SLCO1A2: variants seen among roughly 807,000 people sequenced by gnomAD.
The protein encoded by SLCO1A2 is solute carrier organic anion transporter family member 1A2, also known as OATP-1.
In SLCO1A2, 67 loss-of-function variants were observed where a neutral mutation model predicts 69.0. The ratio of observed to expected loss-of-function variants is 0.97; its 90% CI spans 0.80 to 1.19. The LOEUF (loss-of-function observed/expected upper bound fraction) is 1.19, where lower values mean the gene tolerates loss of function less well. SLCO1A2 is among the 50% of genes most tolerant of loss of function. The pLI, the probability that SLCO1A2 is intolerant of heterozygous loss-of-function variation, is 0.00. For missense variants in SLCO1A2, 787 were observed against 793.7 expected (o/e 0.99, Z 0.10); for synonymous variants, 260 against 265.9 (o/e 0.98, Z 0.22).
chr12:21,413,105 T>G (rs1941934478), intron 1 of SLCO1A2, among the ~76,000 whole-genome samples: 1 of 152,290 alleles, frequency 6.6e-6, no homozygotes, highest in Admixed American at 6.5e-5. Context: ...ATTATTTTTT[T>G]TGATTTTGGT....
upstream of SLCO1A2, among the ~76,000 whole-genome samples, chr12:21,400,243 A>T (rs531600480): frequency 1.5e-3 from 225 of 152,346 alleles, 1 homozygote; most frequent in African/African-American, 5.2e-3. Context: ...TCTCAAAAGA[A>T]GACATTTATG....
intron 14 of SLCO1A2, among the ~76,000 whole-genome samples, chr12:21,270,339 T>C (rs918926211): frequency 1.3e-5 from 2 of 151,808 alleles, no homozygotes; most frequent in African/African-American, 4.8e-5. Context: ...TTTTCTGATA[T>C]TGACCTATCC....
chr12:21,287,573 G>C (rs779697256), intron 12 of SLCO1A2, among the ~76,000 whole-genome samples: 10,764 of 140,410 alleles, frequency 0.077, 585 homozygotes, highest in Non-Finnish European at 0.12. Flanking sequence ...TATGTTTATT[G>C]CGGCTCTATT....
chr12:21,397,543 C>T (rs369835633), upstream of SLCO1A2, among the ~76,000 whole-genome samples: 11 of 152,132 alleles, frequency 7.2e-5, no homozygotes, highest in East Asian at 3.9e-4. Flanking sequence ...TCTACAGAAC[C>T]CTCCACCCCA....
intron 10 of SLCO1A2, chr12:21,294,388 A>C (rs1164248302): frequency 8.9e-6 from 2 of 224,506 alleles, no homozygotes; most frequent in African/African-American, 4.5e-5. Context: ...ATGTTTTCAC[A>C]TACTATTAGA....
intron 2 of SLCO1A2, among the ~76,000 whole-genome samples, chr12:21,342,856 A>G (rs895947276): frequency 3.9e-5 from 6 of 152,078 alleles, no homozygotes; most frequent in African/African-American, 1.4e-4. Flanking sequence ...GGAAGTATCA[A>G]AGATGATTCC....
At chr12:21,303,267 C>A (rs1172771062) in intron 6 of SLCO1A2, among the ~76,000 whole-genome samples, 2 of 151,962 alleles carry the variant, frequency 1.3e-5, no homozygotes, top group African/African-American at 4.8e-5. Context: ...TATAATACAC[C>A]ATAGTATTTG....
chr12:21,310,815 G>A (rs989158393), intron 4 of SLCO1A2, among the ~76,000 whole-genome samples: 4 of 152,142 alleles, frequency 2.6e-5, no homozygotes, highest in African/African-American at 7.2e-5. Flanking sequence ...GTGTTAGCCA[G>A]GATGGTCTTG....
intron 1 of SLCO1A2, among the ~76,000 whole-genome samples, chr12:21,407,826 A>AT (rs1565534583): frequency 1.8e-3 from 277 of 151,252 alleles, no homozygotes; most frequent in African/African-American, 6.4e-3. Flanking sequence ...TAAATGAAAA[A>AT]AAAAAAAAAA....
intron 2 of SLCO1A2, among the ~76,000 whole-genome samples, chr12:21,357,266 G>A (rs566399723): frequency 1.3e-5 from 2 of 152,268 alleles, no homozygotes; most frequent in East Asian, 3.9e-4. Flanking sequence ...ACTGGTGGAC[G>A]TATAAAAAGG....
chr12:21,344,677 T>C lies in SLCO1A2; in HGVS notation c.-62-9968A>G, dbSNP rs990239818. 4.7e-4 allele frequency among the ~76,000 whole-genome samples: 72 copies of C among 152,162 alleles called. 1 individual carries two copies. Among genetic ancestry groups the C allele is most frequent in the Middle Eastern group, 6.8e-3 (2 of 294 alleles). On this transcript the variant is annotated intron_variant, in intron 2 of 15. Transcript: ENST00000307378. ...TCTGAATGAATGCAGCAGAAAATTATATGCATAAGAGAAAGACAAGATAAA... is the reference window on the plus strand; with the variant it reads ...TCTGAATGAATGCAGCAGAAAATTACATGCATAAGAGAAAGACAAGATAAA...
At chr12:21,283,721 GA>G (rs559530890) in intron 12 of SLCO1A2, among the ~76,000 whole-genome samples, 2 of 151,924 alleles carry the variant, frequency 1.3e-5, no homozygotes, top group East Asian at 1.9e-4. Context: ...CAACTCTATA[GA>G]AAAAAAATCT....
At chr12:21,292,369 A>G (rs978456723) in intron 11 of SLCO1A2, 33 bp from the exon 12 acceptor site, 5 of 1,553,846 alleles carry the variant, frequency 3.2e-6, no homozygotes, top group Non-Finnish European at 4.4e-6. Context: ...ACTAAGAAGT[A>G]AAAATCTTGA....
At chr12:21,400,885 GGGGA>G (rs1941675177) in intron 1 of SLCO1A2, among the ~76,000 whole-genome samples, 3 of 93,054 alleles carry the variant, frequency 3.2e-5, no homozygotes, top group Non-Finnish European at 4.3e-5. Context: ...TGTGGGGTGG[GGGGA>G]GGGGGGAGGG....
intron 1 of SLCO1A2, among the ~76,000 whole-genome samples, chr12:21,387,897 G>C (rs1940963775): frequency 1.3e-5 from 2 of 152,312 alleles, no homozygotes; most frequent in South Asian, 4.1e-4. Flanking sequence ...AAACCACAGA[G>C]GTGAAGATGC....
At chr12:21,282,609 T>G (rs370760575) in intron 12 of SLCO1A2, among the ~76,000 whole-genome samples, 3 of 152,014 alleles carry the variant, frequency 2.0e-5, no homozygotes, top group African/African-American at 7.2e-5. Context: ...ACAAGAAATA[T>G]AAACAAAGAG....
intron 1 of SLCO1A2, among the ~76,000 whole-genome samples, chr12:21,407,872 G>A (rs1372913370): frequency 2.0e-5 from 3 of 151,936 alleles, no homozygotes; most frequent in Non-Finnish European, 1.5e-5. Flanking sequence ...GGACTGGCCA[G>A]GGGAAGGAAG....
intron 2 of SLCO1A2, among the ~76,000 whole-genome samples, chr12:21,334,168 A>G (rs1474331747): frequency 6.6e-6 from 1 of 152,126 alleles, no homozygotes; most frequent in Non-Finnish European, 1.5e-5. Flanking sequence ...AAGCTTAAAG[A>G]AAACATTTGT....
chr12:21,293,081 G>A (rs1423632947), intron 11 of SLCO1A2, among the ~76,000 whole-genome samples: 1 of 151,672 alleles, frequency 6.6e-6, no homozygotes, highest in Non-Finnish European at 1.5e-5. Flanking sequence ...AAGGCAGGCG[G>A]ATCACAAGGT....
Sources: allele counts gnomAD v4.1 joint callset (sites outside exome capture counted in the v4.1 genomes callset), GRCh38; gene constraint gnomAD v4.1.1; transcripts MANE v1.5; gene names NCBI Gene and HGNC (gene_info 2026-07-23, HGNC 2026-07-21).